The following SHPRH variants were observed in gnomAD, a reference collection of about 807,000 sequenced individuals.
The protein encoded by SHPRH is E3 ubiquitin-protein ligase SHPRH.
Under a neutral mutation model 202.5 loss-of-function variants are expected in SHPRH, and 106 were observed. The observed-to-expected ratio is 0.52, with a 90% confidence interval of 0.45 to 0.62. The LOEUF (loss-of-function observed/expected upper bound fraction) is 0.62, where lower values mean the gene tolerates loss of function less well. Ranked by LOEUF, SHPRH falls within the 20% of genes least tolerant of loss-of-function variation. The probability of loss-of-function intolerance (pLI) is 0.00; values close to 1 mark genes in which losing one functional copy is unlikely to be tolerated. For missense variants in SHPRH, 1,710 were observed against 2,020.0 expected (o/e 0.85, Z 2.94); for synonymous variants, 729 against 686.0 (o/e 1.06, Z -0.98).
In SHPRH at chr6:145,935,249, C is replaced by T. The variant is rs749415010; in HGVS notation, c.2733+29G>A. 36 of 1,611,486 alleles carry T rather than the reference C, an allele frequency of 2.2e-5. No individual in the cohort carries two copies. The African/African-American group carries it at 4.2e-4, about 19-fold the overall frequency. On this transcript the variant is annotated intron_variant, in intron 12 of 29. Transcript: ENST00000275233. ...AATTGTTTCTTTTCTCTTATAGTAC[C>T]TTTATCAATAAAAACTTATTGTACT...
intron 10 of SHPRH, 109 bp from the exon 11 acceptor site, chr6:145,940,910 T>C (rs1345278125): frequency 1.1e-5 from 11 of 985,448 alleles, no homozygotes; most frequent in Non-Finnish European, 1.7e-5. Flanking sequence ...ACACTTCTGG[T>C]GAGATGTACC....
At chr6:145,928,366 C>T (rs923879427) in intron 14 of SHPRH, among the ~76,000 whole-genome samples, 9 of 151,786 alleles carry the variant, frequency 5.9e-5, no homozygotes, top group African/African-American at 1.9e-4. Context: ...AAACCTAACA[C>T]TGGCAAAACC....
At chr6:145,924,596 C>G in intron 17 of SHPRH, 143 bp downstream of exon 17, 1 of 589,758 alleles carries the variant, frequency 1.7e-6, no homozygotes, top group Non-Finnish European at 3.0e-6. Context: ...GTAAAATAAA[C>G]TTGTATTGTG....
At chr6:145,898,728 G>A (rs758031147) in intron 25 of SHPRH, among the ~76,000 whole-genome samples, 1 of 151,974 alleles carries the variant, frequency 6.6e-6, no homozygotes, top group African/African-American at 2.4e-5. Context: ...TATGACCTCC[G>A]CCATGTTATC....
chr6:145,940,284 T>C (rs1231731180), intron 11 of SHPRH, among the ~76,000 whole-genome samples: 4 of 152,014 alleles, frequency 2.6e-5, no homozygotes, highest in African/African-American at 9.7e-5. Context: ...TATTCCTGGG[T>C]TCACACAATA....
intron 28 of SHPRH, among the ~76,000 whole-genome samples, chr6:145,891,626 C>G (rs994312385): frequency 1.2e-4 from 19 of 152,246 alleles, no homozygotes; most frequent in African/African-American, 4.6e-4. Flanking sequence ...TATGTGAGTA[C>G]TGATGCAGGC....
intron 25 of SHPRH, among the ~76,000 whole-genome samples, chr6:145,902,389 C>T (rs1455502992): frequency 6.6e-6 from 1 of 152,080 alleles, no homozygotes; most frequent in Admixed American, 6.6e-5. Context: ...ATAGTTGCAG[C>T]CTCCTGTTGT....
At chr6:145,869,935 GA>G (rs1779979926) in intron 2 of SHPRH, among the ~76,000 whole-genome samples, 2 of 151,632 alleles carry the variant, frequency 1.3e-5, no homozygotes, top group African/African-American at 4.8e-5. Context: ...AGGTTGGGAA[GA>G]ACTAAGGTCT....
chr6:145,907,221 G>C (rs974617262), intron 25 of SHPRH: 1 of 151,952 alleles, frequency 6.6e-6, no homozygotes, highest in Non-Finnish European at 1.5e-5. Flanking sequence ...CAGAAACCAG[G>C]GGTGATCTAT....
At chr6:145,898,390 AATATTAT>A (rs1782195542) in intron 25 of SHPRH, among the ~76,000 whole-genome samples, 1 of 152,174 alleles carries the variant, frequency 6.6e-6, no homozygotes, top group South Asian at 2.1e-4. Flanking sequence ...TTGTTACATA[AATATTAT>A]ATAACATAAT....
At chr6:145,910,709 T>C in intron 24 of SHPRH, 73 bp from the exon 25 acceptor site, 1 of 1,337,530 alleles carries the variant, frequency 7.5e-7, no homozygotes, top group East Asian at 2.5e-5. Flanking sequence ...TAAAAAGAGA[T>C]TCGCAATTTT....
intron 26 of SHPRH, 23 bp downstream of exon 26, chr6:145,894,862 G>C: frequency 1.2e-6 from 2 of 1,604,276 alleles, no homozygotes; most frequent in Non-Finnish European, 1.7e-6. Context: ...AATTAATATT[G>C]AGGATGAAAA....
At position 145,940,814 on chromosome 6, in the gene SHPRH, A is replaced by C. The variant is rs746330515; in HGVS notation, c.2491-13T>G. On this transcript the variant is annotated splice_polypyrimidine_tract_variant and intron_variant, in intron 10 of 29. Coordinates refer to ENST00000275233, the MANE Select transcript of SHPRH (RefSeq NM_001042683.3). ...CCATTTCTGCAGCCTGATGAGAGGG[A>C]AAAATGAAATAAAAATGAAATCCAG... is the stretch of plus-strand genomic sequence containing the variant. 6.2e-7 allele frequency: 1 copy of C among 1,612,628 alleles called. No homozygotes were observed. Among genetic ancestry groups the C allele is most frequent in the Admixed American group, 1.7e-5 (1 of 59,928 alleles).
chr6:145,894,807 ATTAGTTCTCAG>A, intron 26 of SHPRH, 67 bp downstream of exon 26: 1 of 1,272,844 alleles, frequency 7.9e-7, no homozygotes, highest in Non-Finnish European at 1.1e-6. Flanking sequence ...AACATCAAAA[ATTAGTTCTCAG>A]CTGTAAACTG....
At chr6:145,938,188 G>A (rs1429875544) in intron 11 of SHPRH, among the ~76,000 whole-genome samples, 1 of 152,136 alleles carries the variant, frequency 6.6e-6, no homozygotes, top group East Asian at 1.9e-4. Flanking sequence ...GAACCCTCAT[G>A]AGTGGATTAA....
At position 145,876,456 on chromosome 6, in the gene SHPRH, T is replaced by C. The variant is rs571642141; in HGVS notation, c.221+11564A>G. Among the ~76,000 whole-genome samples the C allele has an allele frequency of 4.6e-5, 7 of 152,324 alleles. No individual in the cohort carries two copies. The South Asian group carries it at 1.4e-3, about 32-fold the overall frequency. On this transcript the variant is annotated intron_variant, in intron 2 of 2. Coordinates refer to the SHPRH transcript ENST00000417762. ...TATTTTGGGACTGCTTTTTTTCACT[T>C]AGCATAATGTTTTTAAGGTTCATCC...
rs1788860676 is a variant in SHPRH at position 145,959,456 on chromosome 6, A to T, written c.-32-4102T>A. Among the ~76,000 whole-genome samples, 3 of 152,226 alleles carry T rather than the reference A, an allele frequency of 2.0e-5. No homozygotes were observed. In the South Asian group the frequency reaches 6.2e-4, roughly 31 times the overall value. The stretch of plus-strand genomic sequence containing the variant: ...TAGCCTAGGAGCAGCAGGCTGTACC[A>T]TAGAGCCTAGGTGTGTAGTAGGCTG... On this transcript the variant is annotated intron_variant, in intron 1 of 29. Coordinates refer to ENST00000275233, the MANE Select transcript of SHPRH (RefSeq NM_001042683.3).
rs759488752 is a variant in SHPRH, at chr6:145,945,358, G to A, written c.1578+23C>T. 7 of 1,595,128 alleles carry A rather than the reference G, an allele frequency of 4.4e-6. No homozygotes were observed. The African/African-American group carries it at 5.4e-5, about 12-fold the overall frequency. ...GTATCACATACGTGTACTTAATATA[G>A]AGCTGAACTTAAGCTCTGTTACCTG... On this transcript the variant is annotated intron_variant, in intron 8 of 29. Coordinates refer to ENST00000275233, the MANE Select transcript of SHPRH (RefSeq NM_001042683.3).
intron 18 of SHPRH, among the ~76,000 whole-genome samples, chr6:145,923,153 A>C (rs1026223009): frequency 2.0e-5 from 3 of 151,912 alleles, no homozygotes; most frequent in African/African-American, 7.2e-5. Context: ...AAGCCTGACT[A>C]CAGATAGCCT....
Sources: gnomAD v4.1 joint callset for allele counts (sites outside exome capture counted in the v4.1 genomes callset) on GRCh38, gnomAD v4.1.1 for gene constraint, MANE v1.5 for transcripts, NCBI Gene and HGNC (gene_info 2026-07-23, HGNC 2026-07-21) for gene names.